GOLM2: variants seen among roughly 807,000 people sequenced by gnomAD.
GOLM2 encodes golgi membrane protein 2, also known as protein GOLM2.
Under a neutral mutation model 55.9 loss-of-function variants are expected in GOLM2, and 26 were observed. That is an observed-to-expected ratio of 0.47 (90% CI 0.34 to 0.65). The LOEUF (loss-of-function observed/expected upper bound fraction) is 0.65. Ranked by LOEUF, GOLM2 falls within the 30% of genes least tolerant of loss-of-function variation. The pLI is 0.01. For synonymous variants in GOLM2, 165 were observed against 194.6 expected (o/e 0.85, Z 1.27); for missense variants, 486 against 531.8 (o/e 0.91, Z 0.85).
intron 8 of GOLM2, among the ~76,000 whole-genome samples, chr15:44,389,053 G>T (rs1475778549): frequency 6.6e-6 from 1 of 151,906 alleles, no homozygotes; most frequent in Non-Finnish European, 1.5e-5. Flanking sequence ...TCCTGACCTC[G>T]TGATCTGCCT....
At chr15:44,336,324 A>G (rs997436931) in intron 4 of GOLM2, among the ~76,000 whole-genome samples, 5 of 149,338 alleles carry the variant, frequency 3.3e-5, no homozygotes, top group South Asian at 4.3e-4. Context: ...TTACTGTGTT[A>G]GCCAGGATGG....
rs1039958834 is a variant in GOLM2 at position 44,386,183 on chromosome 15, C to T, written c.1072+5207C>T. Among the ~76,000 whole-genome samples, 5 of 152,238 alleles carry T rather than the reference C, an allele frequency of 3.3e-5. No homozygotes were observed. The East Asian group carries it at 9.7e-4, about 29-fold the overall frequency. ...ATAGGTTTAGCTGTTATATTTAGGT[C>T]TTTCATCCATTTAAAGTTAGTTTTT... On this transcript the variant is annotated intron_variant, in intron 8 of 9. Coordinates refer to ENST00000299957, the MANE Select transcript of GOLM2 (RefSeq NM_138423.4).
chr15:44,350,826 T>C (rs987067836), intron 6 of GOLM2, among the ~76,000 whole-genome samples: 2 of 152,190 alleles, frequency 1.3e-5, no homozygotes, highest in Non-Finnish European at 2.9e-5. Flanking sequence ...TCAGTATACA[T>C]GACTCAATTA....
intron 4 of GOLM2, among the ~76,000 whole-genome samples, chr15:44,335,995 A>G (rs1256025048): frequency 2.0e-5 from 3 of 151,128 alleles, no homozygotes; most frequent in Non-Finnish European, 4.4e-5. Context: ...TTGTATTTTT[A>G]GTAGAGACGG....
intron 9 of GOLM2, among the ~76,000 whole-genome samples, chr15:44,404,884 A>G (rs2079587997): frequency 6.6e-6 from 1 of 152,134 alleles, no homozygotes; most frequent in Non-Finnish European, 1.5e-5. Context: ...AACTTCTGGT[A>G]TTACAAGGTT....
chr15:44,316,498 G>A (rs1011651709), intron 1 of GOLM2, among the ~76,000 whole-genome samples: 1 of 152,194 alleles, frequency 6.6e-6, no homozygotes, highest in Non-Finnish European at 1.5e-5. Context: ...GCTCACGCCT[G>A]TAATCCCAGC....
intron 4 of GOLM2, among the ~76,000 whole-genome samples, chr15:44,333,678 A>C (rs2079037852): frequency 1.3e-5 from 2 of 152,110 alleles, no homozygotes; most frequent in African/African-American, 4.8e-5. Context: ...TGTCATTATA[A>C]GCGTAGTATA....
chr15:44,345,261 C>T (rs1490745405), intron 6 of GOLM2, among the ~76,000 whole-genome samples: 1 of 151,386 alleles, frequency 6.6e-6, no homozygotes, highest in Admixed American at 6.6e-5. Flanking sequence ...AGGTGCCCGC[C>T]ACCACATCCA....
intron 5 of GOLM2, among the ~76,000 whole-genome samples, 159 bp downstream of exon 5, chr15:44,338,066 G>A (rs1384090505): frequency 6.6e-6 from 1 of 152,150 alleles, no homozygotes; most frequent in Middle Eastern, 3.4e-3. Context: ...TTTGATAGAA[G>A]AGAAAAAAGA....
At chr15:44,399,587 G>A (rs1183479024) in intron 8 of GOLM2, among the ~76,000 whole-genome samples, 2 of 152,120 alleles carry the variant, frequency 1.3e-5, no homozygotes, top group Non-Finnish European at 2.9e-5. Context: ...ATTATAACAG[G>A]TACAAGTGGG....
intron 8 of GOLM2, among the ~76,000 whole-genome samples, chr15:44,391,296 C>T (rs867472488): frequency 6.6e-6 from 1 of 151,796 alleles, no homozygotes; most frequent in African/African-American, 2.4e-5. Context: ...GGGCAGATCA[C>T]GAGGTCGGGA....
At chr15:44,338,368 A>G (rs1280036436) in intron 6 of GOLM2, 51 bp downstream of exon 6, 14 of 1,325,398 alleles carry the variant, frequency 1.1e-5, no homozygotes, top group Non-Finnish European at 1.5e-5. Flanking sequence ...AATACATTTC[A>G]TGTGACCCCA....
intron 6 of GOLM2, among the ~76,000 whole-genome samples, chr15:44,369,635 G>GTA (rs2079315938): frequency 1.4e-5 from 2 of 147,618 alleles, no homozygotes; most frequent in Non-Finnish European, 3.0e-5. Context: ...CAGCCTGTAT[G>GTA]TATATATATA....
At chr15:44,392,893 C>T (rs956404975) in intron 8 of GOLM2, among the ~76,000 whole-genome samples, 1 of 152,042 alleles carries the variant, frequency 6.6e-6, no homozygotes, top group Non-Finnish European at 1.5e-5. Context: ...TTCCTTAACT[C>T]GATAGAGTAT....
At chr15:44,341,987 C>T (rs190053155) in intron 6 of GOLM2, among the ~76,000 whole-genome samples, 4 of 152,040 alleles carry the variant, frequency 2.6e-5, no homozygotes, top group South Asian at 2.1e-4. Context: ...TGAGCCACCG[C>T]GCCTGGCCAA....
At chr15:44,307,903 G>A (rs2078849525) in intron 1 of GOLM2, 1 of 152,134 alleles carries the variant, frequency 6.6e-6, no homozygotes, top group African/African-American at 2.4e-5. Flanking sequence ...AAGCTGGAAA[G>A]TATGTTGTAC....
intron 1 of GOLM2, among the ~76,000 whole-genome samples, chr15:44,294,912 A>G (rs2078746110): frequency 6.6e-6 from 1 of 151,680 alleles, no homozygotes; most frequent in Non-Finnish European, 1.5e-5. Context: ...AAAAAAAGAA[A>G]CCAAGGTCTG....
At chr15:44,383,870 G>T (rs957339306) in intron 8 of GOLM2, among the ~76,000 whole-genome samples, 1 of 151,468 alleles carries the variant, frequency 6.6e-6, no homozygotes, top group African/African-American at 2.4e-5. Flanking sequence ...ACAAAAATGA[G>T]GTCTCGTTCT....
chr15:44,328,628 T>C, intron 2 of GOLM2, 57 bp from the exon 3 acceptor site: 1 of 1,131,192 alleles, frequency 8.8e-7, no homozygotes, highest in African/African-American at 1.6e-5. Flanking sequence ...AGCTTCTGAA[T>C]AGGAAGCATT....
Sources: allele counts gnomAD v4.1 joint callset (sites outside exome capture counted in the v4.1 genomes callset), GRCh38; gene constraint gnomAD v4.1.1; transcripts MANE v1.5; gene names NCBI Gene and HGNC (gene_info 2026-07-23, HGNC 2026-07-21).